Variants in GALNT13 observed in about 807,000 individuals in gnomAD.
The protein encoded by GALNT13 is UDP-GalNAc:polypeptide N-acetylgalactosaminyltransferase 13.
GALNT13 carries 28 observed loss-of-function variants against 64.2 expected under a neutral mutation model. That is an observed-to-expected ratio of 0.44 (90% CI 0.32 to 0.60). The LOEUF (loss-of-function observed/expected upper bound fraction) is 0.60, where lower values mean the gene tolerates loss of function less well. Ranked by LOEUF, GALNT13 falls within the 20% of genes least tolerant of loss-of-function variation. GALNT13 has a pLI of 0.05. For synonymous variants in GALNT13, 214 were observed against 224.6 expected, an observed-to-expected ratio of 0.95 and a Z score of 0.42; for missense variants, 577 against 669.8, an observed-to-expected ratio of 0.86 and a Z score of 1.53.
chr2:153,696,688 GT>G, the GALNT13 span, among the ~76,000 whole-genome samples: 1 of 152,112 alleles, frequency 6.6e-6, no homozygotes, highest in Non-Finnish European at 1.5e-5. Context: ...ATCAAAATAC[GT>G]TTGGACTGCA....
At chr2:153,335,529 C>T in the GALNT13 span, among the ~76,000 whole-genome samples, 2 of 152,046 alleles carry the variant, frequency 1.3e-5, no homozygotes, top group Non-Finnish European at 2.9e-5. Flanking sequence ...TTGCCCCTGC[C>T]CTAGAGATTT....
chr2:153,327,092 A>T, the GALNT13 span, among the ~76,000 whole-genome samples: 2 of 150,594 alleles, frequency 1.3e-5, no homozygotes, highest in Admixed American at 6.6e-5. Context: ...TCAAAAAATA[A>T]AAAAAAAAAT....
the GALNT13 span, among the ~76,000 whole-genome samples, chr2:153,431,400 C>A: frequency 1.3e-5 from 2 of 150,430 alleles, no homozygotes; most frequent in Admixed American, 1.3e-4. Flanking sequence ...AATAAATGAC[C>A]ATCCTAAAAT....
At chr2:153,638,394 A>T in the GALNT13 span, among the ~76,000 whole-genome samples, 1 of 152,110 alleles carries the variant, frequency 6.6e-6, no homozygotes, top group African/African-American at 2.4e-5. Context: ...TATTGCAAAA[A>T]TCCAGGCAGG....
the GALNT13 span, among the ~76,000 whole-genome samples, chr2:153,185,382 T>C: frequency 6.6e-6 from 1 of 152,142 alleles, no homozygotes; most frequent in South Asian, 2.1e-4. Flanking sequence ...TGGTCCATCT[T>C]ATTATTTCTT....
the GALNT13 span, among the ~76,000 whole-genome samples, chr2:153,523,173 T>C: frequency 6.6e-6 from 1 of 152,010 alleles, no homozygotes; most frequent in South Asian, 2.1e-4. Context: ...TACAGGTCTA[T>C]TTCTGGGATC....
chr2:153,853,131 C>G, the GALNT13 span, among the ~76,000 whole-genome samples: 24 of 152,276 alleles, frequency 1.6e-4, no homozygotes, highest in Non-Finnish European at 2.9e-4. Flanking sequence ...GGGCAAGAAG[C>G]ATCTAGCACG....
chr2:153,663,393 T>C, the GALNT13 span, among the ~76,000 whole-genome samples: 2 of 152,200 alleles, frequency 1.3e-5, no homozygotes, highest in Non-Finnish European at 2.9e-5. Context: ...AGAATATAAG[T>C]TGATAAGCTT....
At chr2:153,182,226 A>G in the GALNT13 span, among the ~76,000 whole-genome samples, 14 of 151,790 alleles carry the variant, frequency 9.2e-5, no homozygotes, top group South Asian at 1.7e-3. Context: ...TTGTATTTTT[A>G]GTGGAGACGG....
the GALNT13 span, among the ~76,000 whole-genome samples, chr2:153,502,205 T>A: frequency 6.6e-6 from 1 of 152,178 alleles, no homozygotes; most frequent in Non-Finnish European, 1.5e-5. Context: ...CAGTGTACAC[T>A]GTACTCAATG....
intron 3 of GALNT13, among the ~76,000 whole-genome samples, chr2:154,112,157 C>A (rs1558964505): frequency 6.6e-6 from 1 of 152,204 alleles, no homozygotes; most frequent in Non-Finnish European, 1.5e-5. Flanking sequence ...TGGCTGATCA[C>A]CCCAAGTAAT....
chr2:153,728,224 T>C, the GALNT13 span, among the ~76,000 whole-genome samples: 3 of 152,210 alleles, frequency 2.0e-5, no homozygotes, highest in Non-Finnish European at 4.4e-5. Flanking sequence ...TATGTCTGCA[T>C]AGTAGAATGT....
At chr2:154,412,088 C>T (rs967117174) in intron 11 of GALNT13, among the ~76,000 whole-genome samples, 2 of 151,602 alleles carry the variant, frequency 1.3e-5, no homozygotes, top group African/African-American at 2.4e-5. Context: ...AAAAAATGTT[C>T]GTTCAGTGGC....
the GALNT13 span, among the ~76,000 whole-genome samples, chr2:153,712,765 T>C: frequency 6.6e-6 from 1 of 152,172 alleles, no homozygotes; most frequent in Admixed American, 6.5e-5. Context: ...GGCCATCTCA[T>C]CTACTATCAT....
chr2:154,427,355 A>G (rs1459433725), intron 11 of GALNT13, among the ~76,000 whole-genome samples: 2 of 152,212 alleles, frequency 1.3e-5, no homozygotes, highest in African/African-American at 4.8e-5. Flanking sequence ...AATGGCAGAT[A>G]AGCTATCTGG....
the GALNT13 span, among the ~76,000 whole-genome samples, chr2:153,492,415 T>C: frequency 6.6e-6 from 1 of 152,204 alleles, no homozygotes; most frequent in South Asian, 2.1e-4. Flanking sequence ...TTAGCAAACC[T>C]ATTGAAGAAC....
the GALNT13 span, among the ~76,000 whole-genome samples, chr2:153,614,757 G>T: frequency 6.6e-6 from 1 of 151,864 alleles, no homozygotes; most frequent in Non-Finnish European, 1.5e-5. Context: ...ATTATTGTGG[G>T]TACATAGTAG....
chr2:153,404,048 C>T, the GALNT13 span, among the ~76,000 whole-genome samples: 1 of 152,156 alleles, frequency 6.6e-6, no homozygotes, highest in Non-Finnish European at 1.5e-5. Context: ...TGCAAATCTC[C>T]CCTTTCATTA....
chr2:154,411,667 A>G (rs1257898791), intron 11 of GALNT13, among the ~76,000 whole-genome samples: 1 of 151,812 alleles, frequency 6.6e-6, no homozygotes, highest in Non-Finnish European at 1.5e-5. Context: ...TATAGATTGT[A>G]TCTGGCGAGT....
Sources: gnomAD v4.1 joint callset for allele counts (sites outside exome capture counted in the v4.1 genomes callset) on GRCh38, gnomAD v4.1.1 for gene constraint, MANE v1.5 for transcripts, NCBI Gene and HGNC (gene_info 2026-07-23, HGNC 2026-07-21) for gene names.